TPST2: variants seen among roughly 807,000 people sequenced by gnomAD.
TPST2 encodes the protein protein-tyrosine sulfotransferase 2.
Under a neutral mutation model 27.8 loss-of-function variants are expected in TPST2, and 16 were observed. The ratio of observed to expected loss-of-function variants is 0.58; its 90% CI spans 0.39 to 0.88. The LOEUF (loss-of-function observed/expected upper bound fraction) is 0.88. Among genes scored for constraint, TPST2 ranks in the 40% least tolerant of loss-of-function variants. The pLI, the probability that TPST2 is intolerant of heterozygous loss-of-function variation, is 0.00. For synonymous variants in TPST2, 229 were observed against 231.7 expected, an observed-to-expected ratio of 0.99 and a Z score of 0.10; for missense variants, 464 against 543.1, an observed-to-expected ratio of 0.85 and a Z score of 1.45.
rs1926996225 is a variant in TPST2 at position 26,559,889 on chromosome 22, TG to T, written c.-160-15215del. 1.3e-5 allele frequency among the ~76,000 whole-genome samples: 2 copies of T among 152,134 alleles called. 1 individual carries two copies. The highest frequency in any genetic ancestry group is 4.2e-4 in the South Asian group (2 of 4,818). On this transcript the variant is annotated intron_variant, in intron 1 of 6. Transcript: ENST00000338754. ...TGGGGCTGCCAGAAACCTCCTAGCC[TG>T]GACAGCAGGGCCTTCTAGGAGCCTC...
At position 26,541,685 on chromosome 22, in the gene TPST2, C is replaced by A; in HGVS notation, c.-55G>T. 1 of 1,498,384 alleles carries A rather than the reference C, an allele frequency of 6.7e-7. No individual in the cohort carries two copies. The highest frequency in any genetic ancestry group is 1.3e-5 in the South Asian group (1 of 78,008). 92.8% of individuals were successfully genotyped at this position (1,498,384 alleles called of 1,614,324 possible). A position where few individuals can be genotyped will look rare whatever the true frequency, so the allele number is the denominator to read the frequency against. ...TGAGGGCCCGCTTCTGGGGCTTCAG[C>A]GACAGGTTAGCGGGCAGCCCGCCAG... On this transcript the variant is annotated 5_prime_UTR_variant, in exon 3 of 7. Coordinates refer to ENST00000338754, the MANE Select transcript of TPST2 (RefSeq NM_003595.5). The surrounding 1 kb of genome is among the most constrained non-coding windows in gnomAD (Gnocchi z 5.9).
intron 1 of TPST2, among the ~76,000 whole-genome samples, chr22:26,552,763 C>T (rs558978342): frequency 3.3e-5 from 5 of 152,188 alleles, no homozygotes; most frequent in Admixed American, 1.3e-4. Context: ...GTCTATATCA[C>T]GAAAAGACAC....
At chr22:26,552,797 C>G (rs1265666041) in intron 1 of TPST2, among the ~76,000 whole-genome samples, 1 of 152,118 alleles carries the variant, frequency 6.6e-6, no homozygotes, top group Non-Finnish European at 1.5e-5. Flanking sequence ...CAGTGGTTCA[C>G]GCCTATAATC....
Position 26,540,828 on chromosome 22 carries a change from T to C in TPST2, c.803A>G (p.Glu268Gly), listed in dbSNP as rs1318958769. 1 of 1,611,182 alleles carries C rather than the reference T, an allele frequency of 6.2e-7. No individual in the cohort carries two copies. The highest frequency in any genetic ancestry group is 8.5e-7 in the Non-Finnish European group (1 of 1,178,342). The change falls in exon 3 of 7, where the codon GAA becomes GGA. Residue 268 changes from glutamate to glycine, a missense_variant. Transcript: ENST00000338754. ...IAWSDAVLHHEDLIGKPGGVS... is the reference protein window; with the variant it reads ...IAWSDAVLHHGDLIGKPGGVS... ...ACCACCGGGCTTGCCAATGAGGTCT[T>C]CATGGTGGAGGACAGCGTCGCTCCA...
At chr22:26,531,962 T>A (rs8142388) in intron 5 of TPST2, among the ~76,000 whole-genome samples, 1 of 152,114 alleles carries the variant, frequency 6.6e-6, no homozygotes, top group African/African-American at 2.4e-5. Context: ...GCCAAAACCC[T>A]GTCTCTACAA....
chr22:26,579,041 A>G (rs371094882), intron 1 of TPST2, among the ~76,000 whole-genome samples: 2 of 151,970 alleles, frequency 1.3e-5, no homozygotes, highest in Admixed American at 6.6e-5. Context: ...TTGTAGAGAC[A>G]GGGTTTCGCC....
intron 1 of TPST2, among the ~76,000 whole-genome samples, chr22:26,576,354 G>A (rs1927834441): frequency 6.6e-6 from 1 of 152,184 alleles, no homozygotes; most frequent in Non-Finnish European, 1.5e-5. Context: ...ATCTACAGGA[G>A]CCTGAGGGTC....
intron 1 of TPST2, among the ~76,000 whole-genome samples, chr22:26,559,241 C>T (rs1926960574): frequency 6.6e-6 from 1 of 152,246 alleles, no homozygotes; most frequent in African/African-American, 2.4e-5. Context: ...TGGCAGATGC[C>T]TGTAATCCCA....
At position 26,536,265 on chromosome 22, in the gene TPST2, C is replaced by T. The variant is rs201717714; in HGVS notation, c.1041+23G>A. On this transcript the variant is annotated intron_variant, in intron 4 of 6. Transcript: ENST00000338754. The stretch of plus-strand genomic sequence containing the variant: ...CCCCATATCCCCAAGAGTACACTTC[C>T]ACAAGTACAGGTGCACACTCACCCG... The T allele has an allele frequency of 2.8e-4, 457 of 1,613,808 alleles. 1 individual carries two copies. The African/African-American group carries it at 5.3e-3, about 19-fold the overall frequency.
At chr22:26,585,546 G>A (rs554696803) in intron 1 of TPST2, among the ~76,000 whole-genome samples, 3 of 152,280 alleles carry the variant, frequency 2.0e-5, no homozygotes, top group African/African-American at 7.2e-5. Context: ...CAGAGGGCAC[G>A]GGGACTTGCA....
intron 1 of TPST2, among the ~76,000 whole-genome samples, chr22:26,551,523 T>C (rs1926468928): frequency 6.6e-6 from 1 of 152,222 alleles, no homozygotes; most frequent in Admixed American, 6.5e-5. Context: ...AGTCTCTCTC[T>C]TTCCAGAGCC....
intron 3 of TPST2, among the ~76,000 whole-genome samples, chr22:26,536,998 C>T (rs187303623): frequency 2.4e-4 from 36 of 151,994 alleles, no homozygotes; most frequent in Admixed American, 1.5e-3. Context: ...AGCAGTGAGC[C>T]TGAGCTGTGA....
At position 26,524,656 on chromosome 22, in the gene TPST2, C is replaced by T. The variant is rs2147165640; in HGVS notation, c.*1619G>A. On this transcript the variant is annotated 3_prime_UTR_variant, in exon 7 of 7. Transcript: ENST00000338754. The stretch of plus-strand genomic sequence containing the variant: ...ACAATAAGTCACTGCCTTCCAAAAG[C>T]CTCATATTATCATGAGATATAAGGC... 6.6e-6 allele frequency: 1 copy of T among 152,334 alleles called. No homozygotes were observed. 9.4% of individuals were successfully genotyped at this position (152,334 alleles called of 1,614,324 possible).
chr22:26,561,074 AAAG>A (rs1444046997), intron 1 of TPST2: 38 of 1,600,224 alleles, frequency 2.4e-5, no homozygotes, highest in Non-Finnish European at 3.0e-5. Flanking sequence ...AAAGCAAGAA[AAAG>A]AAGGAAGAGG....
intron 6 of TPST2, among the ~76,000 whole-genome samples, chr22:26,526,631 T>G (rs1924853324): frequency 6.6e-6 from 1 of 152,202 alleles, no homozygotes; most frequent in African/African-American, 2.4e-5. Context: ...TGGTATCTCA[T>G]TTAAACAGTA....
intron 1 of TPST2, among the ~76,000 whole-genome samples, chr22:26,568,993 A>C (rs2147228572): frequency 6.6e-6 from 1 of 151,006 alleles, no homozygotes; most frequent in African/African-American, 2.4e-5. Context: ...CCTCCCGAGT[A>C]GCTGGGACTA....
intron 1 of TPST2, among the ~76,000 whole-genome samples, chr22:26,577,458 C>G (rs1450753126): frequency 6.6e-6 from 1 of 151,788 alleles, no homozygotes; most frequent in African/African-American, 2.4e-5. Flanking sequence ...GATTCTCCTG[C>G]CTCATCCTCC....
Position 26,541,171 on chromosome 22 carries a change from C to A in TPST2, c.460G>T (p.Val154Leu), listed in dbSNP as rs759049413. Reference protein sequence around the residue: ...VIAKHGEPARVLCNKDPFTLK... With the variant: ...VIAKHGEPARLLCNKDPFTLK... ...GTAAATGGGTCCTTGTTGCAGAGCA[C>A]GCGGGCCGGCTCTCCGTGCTTGGCA... Residue 154 changes from valine (V) to leucine (L), a missense_variant, in exon 3 of 7, where the codon GTG becomes TTG. Val to Leu is a conservative substitution (Grantham distance 32). Transcript: ENST00000338754. The surrounding 1 kb of genome is among the most constrained non-coding windows in gnomAD (Gnocchi z 5.9). The A allele has an allele frequency of 1.2e-6, 2 of 1,600,486 alleles. No individual in the cohort carries two copies. The highest frequency in any genetic ancestry group is 2.2e-5 in the East Asian group (1 of 44,678).
At chr22:26,546,304 C>A (rs1366880459) in intron 1 of TPST2, among the ~76,000 whole-genome samples, 4 of 152,190 alleles carry the variant, frequency 2.6e-5, no homozygotes, top group Non-Finnish European at 4.4e-5. Context: ...TAGACCCCCC[C>A]ACAGCAGGCC....
Sources: allele counts gnomAD v4.1 joint callset (sites outside exome capture counted in the v4.1 genomes callset), GRCh38; gene constraint gnomAD v4.1.1; non-coding constraint Gnocchi (gnomAD v3.1); transcripts MANE v1.5; gene names NCBI Gene and HGNC (gene_info 2026-07-23, HGNC 2026-07-21).